Variants in ZBTB10 observed in about 807,000 individuals in gnomAD.
ZBTB10 encodes the protein zinc finger and BTB domain containing 10.
A neutral mutation model predicts 76.4 loss-of-function variants in ZBTB10; 32 were observed. The ratio of observed to expected loss-of-function variants is 0.42; its 90% CI spans 0.32 to 0.56. ZBTB10 has a LOEUF of 0.56. Among genes scored for constraint, ZBTB10 ranks in the 20% least tolerant of loss-of-function variants. ZBTB10 has a pLI of 0.14. For synonymous variants in ZBTB10, 523 were observed against 432.9 expected, an observed-to-expected ratio of 1.21 and a Z score of -2.58; for missense variants, 1,057 against 1,098.5, an observed-to-expected ratio of 0.96 and a Z score of 0.53.
At chr8:80,510,322 G>A (rs1295354162) in intron 2 of ZBTB10, among the ~76,000 whole-genome samples, 1 of 152,164 alleles carries the variant, frequency 6.6e-6, no homozygotes, top group Non-Finnish European at 1.5e-5. Context: ...AGGCCCTGAG[G>A]CTTGGTGCTT....
Position 80,486,956 on chromosome 8 carries a change from C to T in ZBTB10, c.146C>T (p.Pro49Leu). The T allele has an allele frequency of 1.3e-6, 2 of 1,512,874 alleles. No individual in the cohort carries two copies. Among genetic ancestry groups the T allele is most frequent in the South Asian group, 1.2e-5 (1 of 81,510 alleles). The allele number at this position is 1,512,874 out of a possible 1,614,324, so 93.7% of individuals were successfully genotyped here. A position where few individuals can be genotyped will look rare whatever the true frequency, so the allele number is the denominator to read the frequency against. Residue 49 changes from proline to leucine, a missense_variant, in exon 1 of 6, where the codon CCG (proline) becomes CTG (leucine). Coordinates refer to ENST00000455036, the MANE Select transcript of ZBTB10 (RefSeq NM_001105539.3). ...PPQPQPRQPP[P>L]PAPPALQPPN... Reference sequence around the variant, plus strand: ...CAGCCCCAGCCGAGACAGCCCCCGCCGCCAGCGCCGCCCGCGCTTCAGCCG... The same window carrying T: ...CAGCCCCAGCCGAGACAGCCCCCGCTGCCAGCGCCGCCCGCGCTTCAGCCG...
At chr8:80,491,873 GTAT>G (rs1323387000) in intron 1 of ZBTB10, among the ~76,000 whole-genome samples, 1 of 152,206 alleles carries the variant, frequency 6.6e-6, no homozygotes, top group African/African-American at 2.4e-5. Flanking sequence ...GCATCCAAAT[GTAT>G]TATTGTTGTA....
In ZBTB10 at chr8:80,524,993, CA is replaced by C. The variant is rs1816528895; in HGVS notation, c.*5468del. 6.6e-6 allele frequency: 1 copy of C among 150,848 alleles called. No homozygotes were observed. The highest frequency in any genetic ancestry group is 2.5e-5 in the African/African-American group (1 of 40,342). The allele number at this position is 150,848 out of a possible 1,614,324, so 9.3% of individuals were successfully genotyped here. ...GTTGCTTTTTATTTTGCTTAGTCAA[CA>C]AACACTAAAATGATAAAATTTGGTA... On this transcript the variant is annotated 3_prime_UTR_variant, in exon 6 of 6. Coordinates refer to ENST00000455036, the MANE Select transcript of ZBTB10 (RefSeq NM_001105539.3).
At chr8:80,515,893 G>C (rs1010181487) in intron 3 of ZBTB10, among the ~76,000 whole-genome samples, 1 of 152,152 alleles carries the variant, frequency 6.6e-6, no homozygotes, top group African/African-American at 2.4e-5. Flanking sequence ...TACAATGACA[G>C]TACCTTTATT....
At chr8:80,497,132 T>C (rs1815803034) in intron 1 of ZBTB10, among the ~76,000 whole-genome samples, 1 of 152,214 alleles carries the variant, frequency 6.6e-6, no homozygotes, top group Non-Finnish European at 1.5e-5. Context: ...TACAGGTGTT[T>C]TTAGTATCAT....
intron 3 of ZBTB10, among the ~76,000 whole-genome samples, chr8:80,516,776 A>G (rs929243953): frequency 1.2e-4 from 19 of 152,204 alleles, no homozygotes; most frequent in Non-Finnish European, 7.3e-5. Flanking sequence ...TAAGACTTTC[A>G]CCAAAAAGGA....
intron 2 of ZBTB10, among the ~76,000 whole-genome samples, chr8:80,513,057 A>C (rs1372548061): frequency 2.6e-5 from 4 of 152,098 alleles, no homozygotes; most frequent in Non-Finnish European, 5.9e-5. Flanking sequence ...TGTTAGGATT[A>C]TTCAGTATAC....
At chr8:80,506,302 T>G (rs1047346028) in intron 2 of ZBTB10, among the ~76,000 whole-genome samples, 2 of 151,748 alleles carry the variant, frequency 1.3e-5, no homozygotes, top group Non-Finnish European at 2.9e-5. Context: ...TATTCATGGG[T>G]TTTTTTTCTT....
At chr8:80,517,704 C>G (rs1816358815) in intron 3 of ZBTB10, among the ~76,000 whole-genome samples, 1 of 151,560 alleles carries the variant, frequency 6.6e-6, no homozygotes, top group Non-Finnish European at 1.5e-5. Flanking sequence ...GGAGAATATC[C>G]CATTTGATAG....
rs1816394637 is a variant in ZBTB10 at position 80,518,942 on chromosome 8, A to G, written c.2298A>G (p.Lys766=). Residue 766 remains lysine, a synonymous_variant, in exon 5 of 6, where the codon AAA becomes AAG. Coordinates refer to ENST00000455036, the MANE Select transcript of ZBTB10 (RefSeq NM_001105539.3). ...GKLFTRREHV[K]RHSLVHKKDK... is the part of the protein sequence containing the mutation. ...TGTTTACTCGAAGAGAACATGTAAA[A>G]AGACATTCCCTGGTAAGTAACTTTA... The G allele has an allele frequency of 1.3e-6, 2 of 1,598,188 alleles. No homozygotes were observed. Among genetic ancestry groups the G allele is most frequent in the Non-Finnish European group, 1.7e-6 (2 of 1,171,662 alleles).
chr8:80,506,562 A>AACCCCC (rs1816058514), intron 2 of ZBTB10, among the ~76,000 whole-genome samples: 1 of 85,580 alleles, frequency 1.2e-5, no homozygotes. Flanking sequence ...CAGGTGATCC[A>AACCCCC]CCCCCCCCCC....
intron 1 of ZBTB10, among the ~76,000 whole-genome samples, chr8:80,496,369 CTTTTTTTTT>C (rs537668345): frequency 7.9e-6 from 1 of 127,274 alleles, no homozygotes; most frequent in Non-Finnish European, 1.7e-5. Context: ...TATGTGGTTT[CTTTTTTTTT>C]TTTTTTTGAA....
Position 80,520,931 on chromosome 8 carries a change from A to G in ZBTB10, c.*1403A>G, listed in dbSNP as rs549903015. 2.0e-5 allele frequency: 3 copies of G among 152,018 alleles called. No individual in the cohort carries two copies. The South Asian group carries it at 6.2e-4, about 31-fold the overall frequency. 9.4% of individuals were successfully genotyped at this position (152,018 alleles called of 1,614,324 possible). A position where few individuals can be genotyped will look rare whatever the true frequency, so the allele number is the denominator to read the frequency against. On this transcript the variant is annotated 3_prime_UTR_variant, in exon 6 of 6. Coordinates refer to ENST00000455036, the MANE Select transcript of ZBTB10 (RefSeq NM_001105539.3). ...TATGGCATTTATTAGCATATTGTAT[A>G]TTATATAAGATTGAGGGATGTCATA... is the stretch of plus-strand genomic sequence containing the variant.
At chr8:80,506,303 TTTTTTTCTTTTTTTC>T (rs1196234484) in intron 2 of ZBTB10, among the ~76,000 whole-genome samples, 6 of 151,986 alleles carry the variant, frequency 3.9e-5, no homozygotes, top group East Asian at 1.9e-4. Context: ...ATTCATGGGT[TTTTTTTCTTTTTTTC>T]TTTTTTCTTT....
At chr8:80,514,594 C>A (rs758811030) in intron 3 of ZBTB10, among the ~76,000 whole-genome samples, 2 of 152,186 alleles carry the variant, frequency 1.3e-5, no homozygotes, top group Non-Finnish European at 2.9e-5. Context: ...GGATGTTAAG[C>A]CACCGTTAAT....
At position 80,514,032 on chromosome 8, in the gene ZBTB10, A is replaced by G. The variant is rs756810966; in HGVS notation, c.1960+24A>G. The G allele has an allele frequency of 2.9e-5, 47 of 1,595,796 alleles. No individual in the cohort carries two copies. The South Asian group carries it at 5.0e-4, about 17-fold the overall frequency. On this transcript the variant is annotated intron_variant, in intron 3 of 5. Transcript: ENST00000455036. The stretch of plus-strand genomic sequence containing the variant: ...TGGTAGGTACAGTAAGATTTTAGCA[A>G]CAGTACATTTAAGATTGGGAAGTGT...
rs1815500733 is a variant in ZBTB10 at position 80,487,377 on chromosome 8, G to T, written c.567G>T (p.Glu189Asp). The T allele has an allele frequency of 1.3e-6, 2 of 1,529,880 alleles. No individual in the cohort carries two copies. The highest frequency in any genetic ancestry group is 2.5e-5 in the South Asian group (2 of 80,806). The allele number at this position is 1,529,880 out of a possible 1,614,324, so 94.8% of individuals were successfully genotyped here. A position where few individuals can be genotyped will look rare whatever the true frequency, so the allele number is the denominator to read the frequency against. The change falls in exon 1 of 6, where the codon GAG (glutamate) becomes GAT (aspartate). Residue 189 changes from glutamate (E) to aspartate (D), a missense_variant. Glu to Asp is a conservative substitution (Grantham distance 45). Transcript: ENST00000455036. ...SLSDSTEDEE[E>D]GASLGDGSGA... is the part of the protein sequence containing the mutation. Reference sequence around the variant, plus strand: ...GCGACAGCACCGAGGACGAGGAGGAGGGGGCGAGCCTGGGCGACGGCAGCG... The same window carrying T: ...GCGACAGCACCGAGGACGAGGAGGATGGGGCGAGCCTGGGCGACGGCAGCG...
Position 80,518,892 on chromosome 8 carries a change from T to C in ZBTB10, c.2248T>C (p.Phe750Leu). ...HLLIHTGVRS[F>L]SCDICGKLFT... ...GCTCATTCACACAGGAGTGAGATCA[T>C]TTAGCTGTGATATTTGTGGAAAACT... The change falls in exon 5 of 6, where the codon TTT (phenylalanine) becomes CTT (leucine). Residue 750 changes from phenylalanine (F) to leucine (L), a missense_variant. By Grantham distance (22) the Phe-to-Leu change is conservative. Around this residue, in one of 5 missense-constraint regions of ZBTB10, gnomAD observed 54 missense variants for 138.1 expected, o/e 0.39. Coordinates refer to ENST00000455036, the MANE Select transcript of ZBTB10 (RefSeq NM_001105539.3). 6.2e-7 allele frequency: 1 copy of C among 1,610,572 alleles called. No homozygotes were observed.
At chr8:80,499,394 G>T in intron 1 of ZBTB10, 100 bp from the exon 2 acceptor site, 1 of 1,252,492 alleles carries the variant, frequency 8.0e-7, no homozygotes, top group Non-Finnish European at 1.1e-6. Context: ...TAATATATTT[G>T]ATTATCGCTT....
Sources: allele counts gnomAD v4.1 joint callset (sites outside exome capture counted in the v4.1 genomes callset), GRCh38; gene constraint gnomAD v4.1.1; regional missense constraint gnomAD v4.1.1; transcripts MANE v1.5; gene names NCBI Gene and HGNC (gene_info 2026-07-23, HGNC 2026-07-21).